Variants in PDZRN3 observed in about 807,000 individuals in gnomAD.
The protein encoded by PDZRN3 is E3 ubiquitin-protein ligase PDZRN3.
In PDZRN3, 38 loss-of-function variants were observed where a neutral mutation model predicts 85.7. That is an observed-to-expected ratio of 0.44 (90% confidence interval 0.34 to 0.58). The LOEUF is 0.58. Among genes scored for constraint, PDZRN3 ranks in the 20% least tolerant of loss-of-function variants. PDZRN3 has a pLI of 0.01. For synonymous variants in PDZRN3, 759 were observed against 638.0 expected (o/e 1.19, Z -2.86); for missense variants, 1,629 against 1,506.4 (o/e 1.08, Z -1.35).
At chr3:73,448,218 T>C (rs1702788839) in intron 3 of PDZRN3, among the ~76,000 whole-genome samples, 1 of 152,352 alleles carries the variant, frequency 6.6e-6, no homozygotes, top group Non-Finnish European at 1.5e-5. Flanking sequence ...CACATGCCAT[T>C]GTGACCTGGC....
rs754171686 is a variant in PDZRN3 at position 73,384,785 on chromosome 3, G to A, written c.1781C>T (p.Thr594Ile). 3.1e-6 allele frequency: 5 copies of A among 1,613,982 alleles called. No homozygotes were observed. The highest frequency in any genetic ancestry group is 4.2e-6 in the Non-Finnish European group (5 of 1,180,054). ...SEQENNGDDA[T>I]ASSNPLAGQR... is the part of the protein sequence containing the mutation. ...CCCCGCCAGCGGGTTGGAGGATGCGGTGGCGTCGTCGCCATTGTTCTCTTG... is the reference window on the plus strand; with the variant it reads ...CCCCGCCAGCGGGTTGGAGGATGCGATGGCGTCGTCGCCATTGTTCTCTTG... The change falls in exon 10 of 10, where the codon ACC (threonine) becomes ATC (isoleucine). Residue 594 changes from threonine to isoleucine, a missense_variant. Physicochemically the swap from Thr to Ile is moderately conservative, Grantham distance 89. Coordinates refer to ENST00000263666, the MANE Select transcript of PDZRN3 (RefSeq NM_015009.3).
chr3:73,603,062 T>C (rs1702538797), intron 2 of PDZRN3, among the ~76,000 whole-genome samples: 1 of 152,242 alleles, frequency 6.6e-6, no homozygotes, highest in South Asian at 2.1e-4. Flanking sequence ...GGTAAAAGGA[T>C]ATGTACATTT....
chr3:73,475,472 C>T (rs1022169220), intron 3 of PDZRN3, among the ~76,000 whole-genome samples: 1 of 152,166 alleles, frequency 6.6e-6, no homozygotes, highest in Non-Finnish European at 1.5e-5. Flanking sequence ...CAACTCTGAA[C>T]CCATTATGTT....
chr3:73,397,951 T>C (rs1030779302), intron 5 of PDZRN3, among the ~76,000 whole-genome samples: 1 of 152,206 alleles, frequency 6.6e-6, no homozygotes, highest in African/African-American at 2.4e-5. Flanking sequence ...CTAATGGTCC[T>C]AATGGCTTGT....
chr3:73,480,195 G>A (rs1258068202), intron 3 of PDZRN3, among the ~76,000 whole-genome samples: 1 of 152,202 alleles, frequency 6.6e-6, no homozygotes, highest in Non-Finnish European at 1.5e-5. Flanking sequence ...AACCACTGGG[G>A]CATGAAGGCC....
At chr3:73,491,864 G>T (rs1703776999) in intron 3 of PDZRN3, among the ~76,000 whole-genome samples, 1 of 152,032 alleles carries the variant, frequency 6.6e-6, no homozygotes. Flanking sequence ...GCCTTCCAAA[G>T]CATTGGGATT....
intron 3 of PDZRN3, chr3:73,561,528 T>C (rs1701814114): frequency 6.6e-6 from 1 of 152,216 alleles, no homozygotes; most frequent in Non-Finnish European, 1.5e-5. Flanking sequence ...ACATCTCAGG[T>C]GTATCCTAAA....
intron 8 of PDZRN3, among the ~76,000 whole-genome samples, chr3:73,386,226 CTTTTTT>C (rs71126867): frequency 2.2e-5 from 2 of 90,730 alleles, no homozygotes; most frequent in Non-Finnish European, 4.1e-5. Flanking sequence ...CAAGATATCA[CTTTTTT>C]TTTTTTTTTT....
chr3:73,568,270 C>CT (rs200481607), intron 3 of PDZRN3, among the ~76,000 whole-genome samples: 2,483 of 151,356 alleles, frequency 0.016, 58 homozygotes, highest in African/African-American at 0.054. Context: ...ACAGGAAAGT[C>CT]TTTTTTTTTC....
At chr3:73,480,009 A>C (rs1374897869) in intron 3 of PDZRN3, among the ~76,000 whole-genome samples, 2 of 152,074 alleles carry the variant, frequency 1.3e-5, no homozygotes, top group African/African-American at 4.8e-5. Flanking sequence ...TTTTGTTTGT[A>C]ATGTGATTTT....
intron 3 of PDZRN3, among the ~76,000 whole-genome samples, chr3:73,588,711 A>C (rs146712948): frequency 6.6e-6 from 1 of 152,258 alleles, no homozygotes; most frequent in African/African-American, 2.4e-5. Context: ...AACACATGAC[A>C]ATGACTTTCC....
chr3:73,393,576 T>C (rs1701572791), intron 5 of PDZRN3, among the ~76,000 whole-genome samples: 1 of 152,126 alleles, frequency 6.6e-6, no homozygotes, highest in African/African-American at 2.4e-5. Flanking sequence ...GGACCGTGTA[T>C]TGGTTAGAGA....
At chr3:73,579,715 G>A (rs759986936) in intron 3 of PDZRN3, among the ~76,000 whole-genome samples, 2 of 152,112 alleles carry the variant, frequency 1.3e-5, no homozygotes, top group Non-Finnish European at 2.9e-5. Context: ...TAAGAAGCCC[G>A]CCACTGAGGA....
intron 3 of PDZRN3, chr3:73,474,552 C>G (rs1409521912): frequency 1.6e-6 from 2 of 1,286,826 alleles, no homozygotes; most frequent in African/African-American, 1.5e-5. Context: ...AAAATTGACT[C>G]AGTGAAGCAA....
intron 3 of PDZRN3, among the ~76,000 whole-genome samples, chr3:73,580,208 C>T (rs1449778100): frequency 6.6e-6 from 1 of 152,124 alleles, no homozygotes; most frequent in Non-Finnish European, 1.5e-5. Context: ...CAGAGGTTCA[C>T]GAATGGTCCC....
At chr3:73,441,959 C>T (rs957864435) in intron 3 of PDZRN3, among the ~76,000 whole-genome samples, 3 of 152,172 alleles carry the variant, frequency 2.0e-5, no homozygotes, top group Non-Finnish European at 4.4e-5. Flanking sequence ...TCACAAAGTC[C>T]CTGCTGAGTC....
Position 73,397,662 on chromosome 3 carries a change from A to C in PDZRN3, c.1254+3260T>G, listed in dbSNP as rs145842546. ...AGAGACCCTTCTGGTGAGTGGCTGC[A>C]GTAGGCCTTAGCTGATATGTTCCTA... On this transcript the variant is annotated intron_variant, in intron 5 of 9. Transcript: ENST00000263666. Among the ~76,000 whole-genome samples, 452 of 152,338 alleles carry C rather than the reference A, an allele frequency of 3.0e-3. 3 individuals carry two copies. Among genetic ancestry groups the C allele is most frequent in the African/African-American group, 0.01 (430 of 41,592 alleles).
chr3:73,410,558 G>A (rs1438390487), intron 3 of PDZRN3, among the ~76,000 whole-genome samples: 1 of 152,176 alleles, frequency 6.6e-6, no homozygotes, highest in East Asian at 1.9e-4. Flanking sequence ...TCCATTTCAA[G>A]CATCCTGCAC....
At chr3:73,387,308 TCAAGAGTGC>T (rs1426851373) in intron 8 of PDZRN3, among the ~76,000 whole-genome samples, 1 of 152,204 alleles carries the variant, frequency 6.6e-6, no homozygotes, top group African/African-American at 2.4e-5. Flanking sequence ...TCTAAGTGGA[TCAAGAGTGC>T]CACCTGGGTG....
Sources: gnomAD v4.1 joint callset for allele counts (sites outside exome capture counted in the v4.1 genomes callset) on GRCh38, gnomAD v4.1.1 for gene constraint, MANE v1.5 for transcripts, NCBI Gene and HGNC (gene_info 2026-07-23, HGNC 2026-07-21) for gene names.